HIVEP3: variants seen among roughly 807,000 people sequenced by gnomAD.
The protein encoded by HIVEP3 is HIVEP zinc finger 3, also known as transcription factor HIVEP3.
In HIVEP3, 49 loss-of-function variants were observed where a neutral mutation model predicts 152.8. The ratio of observed to expected loss-of-function variants is 0.32; its 90% confidence interval spans 0.26 to 0.41. HIVEP3 has a LOEUF of 0.41. Among genes scored for constraint, HIVEP3 ranks in the 10% least tolerant of loss-of-function variants. The probability of loss-of-function intolerance (pLI) is 1.00; values close to 1 mark genes in which losing one functional copy is unlikely to be tolerated. For missense variants in HIVEP3, 2,790 were observed against 3,103.3 expected, an observed-to-expected ratio of 0.90 and a Z score of 2.40; for synonymous variants, 1,269 against 1,289.0, an observed-to-expected ratio of 0.98 and a Z score of 0.33.
intron 1 of HIVEP3, among the ~76,000 whole-genome samples, chr1:41,982,417 A>G (rs888610397): frequency 6.6e-6 from 1 of 152,152 alleles, no homozygotes; most frequent in Non-Finnish European, 1.5e-5. Flanking sequence ...GCGCAGCCCT[A>G]CCTTATTTTG....
intron 3 of HIVEP3, 58 bp downstream of exon 3, chr1:41,628,691 C>A: frequency 1.7e-6 from 2 of 1,172,536 alleles, no homozygotes; most frequent in Non-Finnish European, 2.1e-6. Context: ...CAAGCTCATG[C>A]AAGACAGACC....
intron 3 of HIVEP3, among the ~76,000 whole-genome samples, chr1:41,603,851 A>G (rs1644780856): frequency 6.6e-6 from 1 of 152,172 alleles, no homozygotes; most frequent in Admixed American, 6.5e-5. Context: ...TTTGGTCTAT[A>G]GTGTTGTTCG....
chr1:41,997,509 T>C (rs1162170659), intron 1 of HIVEP3, among the ~76,000 whole-genome samples: 3 of 152,260 alleles, frequency 2.0e-5, no homozygotes, highest in Non-Finnish European at 4.4e-5. Flanking sequence ...ACCTTCTCTT[T>C]ATGCACAGTT....
chr1:41,910,995 GGAAAGA>G lies in HIVEP3; in HGVS notation c.-801+7412_-801+7417del, dbSNP rs1451157455. Reference sequence around the variant, plus strand: ...AAGACACAAAATGTTCAATGATAAAGGAAAGATTGATAAATTTTATTACATTGAAAT... The same window carrying G: ...AAGACACAAAATGTTCAATGATAAAGTTGATAAATTTTATTACATTGAAAT... On this transcript the variant is annotated intron_variant, in intron 1 of 8. Transcript: ENST00000372583. 3.3e-5 allele frequency among the ~76,000 whole-genome samples: 5 copies of G among 151,996 alleles called. No individual in the cohort carries two copies. In the East Asian group the frequency reaches 9.7e-4, roughly 29 times the overall value.
intron 1 of HIVEP3, among the ~76,000 whole-genome samples, chr1:41,743,042 G>A (rs1002529280): frequency 1.3e-5 from 2 of 152,036 alleles, no homozygotes; most frequent in Non-Finnish European, 2.9e-5. Context: ...TTCTAATGGT[G>A]GGCAATACCA....
At chr1:41,927,605 CT>C (rs1644974579) in intron 1 of HIVEP3, among the ~76,000 whole-genome samples, 1 of 152,116 alleles carries the variant, frequency 6.6e-6, no homozygotes, top group Non-Finnish European at 1.5e-5. Context: ...ACATATCTAC[CT>C]TTTAAAAATG....
At chr1:41,886,191 T>A (rs1226252048) in intron 1 of HIVEP3, among the ~76,000 whole-genome samples, 1 of 152,154 alleles carries the variant, frequency 6.6e-6, no homozygotes, top group Admixed American at 6.5e-5. Context: ...TAGCTATAGG[T>A]GTTTTGGGAT....
intron 5 of HIVEP3, among the ~76,000 whole-genome samples, chr1:41,529,427 C>T (rs1003148521): frequency 2.1e-5 from 3 of 140,942 alleles, no homozygotes; most frequent in Admixed American, 2.1e-4. Context: ...TCACACACAC[C>T]CTCACACATG....
chr1:41,510,017 T>TAC lies in HIVEP3; in HGVS notation c.*432_*433dup. ...TAAACAGGAACCTTGATCGCATCTG[T>TAC]ACACAGGAGTGCTTCCTTTTACATT... is the stretch of plus-strand genomic sequence containing the variant. On this transcript the variant is annotated 3_prime_UTR_variant, in exon 9 of 9. Coordinates refer to ENST00000372583, the MANE Select transcript of HIVEP3 (RefSeq NM_024503.5). 1 of 153,410 alleles carries TAC rather than the reference T, an allele frequency of 6.5e-6. No individual in the cohort carries two copies. The highest frequency in any genetic ancestry group is 1.9e-4 in the East Asian group (1 of 5,208). The allele number at this position is 153,410 out of a possible 1,614,324, so 9.5% of individuals were successfully genotyped here. A position where few individuals can be genotyped will look rare whatever the true frequency, so the allele number is the denominator to read the frequency against.
At chr1:41,939,466 G>A (rs1645035369) in intron 1 of HIVEP3, among the ~76,000 whole-genome samples, 2 of 152,170 alleles carry the variant, frequency 1.3e-5, no homozygotes, top group Admixed American at 1.3e-4. Flanking sequence ...AGAAGAAAGT[G>A]CTTAGTCCTT....
At chr1:41,651,504 G>A (rs998375392) in intron 2 of HIVEP3, among the ~76,000 whole-genome samples, 4 of 151,738 alleles carry the variant, frequency 2.6e-5, no homozygotes, top group East Asian at 1.9e-4. Context: ...CATAAATGAA[G>A]TGATATGTAG....
At chr1:41,937,386 G>T (rs1440130313) in intron 1 of HIVEP3, among the ~76,000 whole-genome samples, 1 of 152,150 alleles carries the variant, frequency 6.6e-6, no homozygotes, top group Non-Finnish European at 1.5e-5. Context: ...GAGACACAAA[G>T]AAACTTTTGC....
chr1:41,545,002 TCAC>T (rs1254706930), intron 5 of HIVEP3, among the ~76,000 whole-genome samples: 74 of 38,040 alleles, frequency 1.9e-3, no homozygotes, highest in African/African-American at 8.8e-3. Context: ...ATCGCTACCA[TCAC>T]CACCACCACC....
At position 41,743,210 on chromosome 1, in the gene HIVEP3, C is replaced by A. The variant is rs543445030; in HGVS notation, c.-800-42215G>T. Among the ~76,000 whole-genome samples, 7 of 152,196 alleles carry A rather than the reference C, an allele frequency of 4.6e-5. No homozygotes were observed. In the South Asian group the frequency reaches 1.5e-3, roughly 32 times the overall value. On this transcript the variant is annotated intron_variant, in intron 1 of 8. Coordinates refer to ENST00000372583, the MANE Select transcript of HIVEP3 (RefSeq NM_024503.5). ...ATCTTGCAACATGCCACACAGCCTG[C>A]ACAACAAAAAACTTTCCCCTCAAAA... is the stretch of plus-strand genomic sequence containing the variant.
At chr1:41,687,701 C>T (rs181448555) in intron 2 of HIVEP3, among the ~76,000 whole-genome samples, 36 of 152,362 alleles carry the variant, frequency 2.4e-4, no homozygotes, top group Non-Finnish European at 4.6e-4. Flanking sequence ...CAGTGCAGAA[C>T]TGGGAATTTC....
chr1:41,959,611 G>A (rs1343785128), intron 1 of HIVEP3, among the ~76,000 whole-genome samples: 2 of 152,280 alleles, frequency 1.3e-5, no homozygotes, highest in South Asian at 2.1e-4. Flanking sequence ...ACTGCCCTTC[G>A]GGAAGTAGCA....
chr1:41,598,218 CCCAAATTCCA>C (rs1644694514), intron 3 of HIVEP3, among the ~76,000 whole-genome samples: 2 of 152,194 alleles, frequency 1.3e-5, no homozygotes, highest in African/African-American at 4.8e-5. Context: ...CTAAGAGAGA[CCCAAATTCCA>C]CATTTGCTGC....
chr1:41,588,049 C>T (rs1448484682), intron 3 of HIVEP3, among the ~76,000 whole-genome samples: 1 of 152,204 alleles, frequency 6.6e-6, no homozygotes, highest in East Asian at 1.9e-4. Flanking sequence ...GGTCGGGGAA[C>T]TCGTCCTGGC....
chr1:41,614,486 G>A (rs1042161381), intron 3 of HIVEP3, among the ~76,000 whole-genome samples: 1 of 152,184 alleles, frequency 6.6e-6, no homozygotes, highest in South Asian at 2.1e-4. Flanking sequence ...TCAGTTCCTC[G>A]TAGGAAGTCC....
Sources: gnomAD v4.1 joint callset for allele counts (sites outside exome capture counted in the v4.1 genomes callset) on GRCh38, gnomAD v4.1.1 for gene constraint, MANE v1.5 for transcripts, NCBI Gene and HGNC (gene_info 2026-07-23, HGNC 2026-07-21) for gene names.